Variants in CTNNA3 observed in about 807,000 individuals in gnomAD.
CTNNA3 encodes catenin alpha-3.
A neutral mutation model predicts 95.7 loss-of-function variants in CTNNA3; 76 were observed. That is an observed-to-expected ratio of 0.79 (90% CI 0.66 to 0.96). The LOEUF (loss-of-function observed/expected upper bound fraction) is 0.96. CTNNA3 is among the 40% of genes least tolerant of loss of function. The pLI, the probability that CTNNA3 is intolerant of heterozygous loss-of-function variation, is 0.00. For missense variants in CTNNA3, 1,191 were observed against 1,089.8 expected (o/e 1.09, Z -1.31); for synonymous variants, 431 against 374.4 (o/e 1.15, Z -1.74).
At chr10:66,173,373 G>A (rs907993605) in intron 13 of CTNNA3, among the ~76,000 whole-genome samples, 3 of 152,150 alleles carry the variant, frequency 2.0e-5, no homozygotes, top group South Asian at 2.1e-4. Flanking sequence ...TGTTCTAGGT[G>A]ATCAACAAGG....
intron 7 of CTNNA3, among the ~76,000 whole-genome samples, chr10:66,778,106 T>A (rs114238905): frequency 0.012 from 1,808 of 152,222 alleles, 44 homozygotes; most frequent in African/African-American, 0.042. Flanking sequence ...ACAGTCCCTA[T>A]CATGACAGGA....
intron 10 of CTNNA3, among the ~76,000 whole-genome samples, chr10:66,591,987 G>T (rs1263521687): frequency 2.0e-5 from 3 of 151,774 alleles, no homozygotes; most frequent in Non-Finnish European, 4.4e-5. Context: ...TTGCAGTCAA[G>T]CAAATTTGTA....
At chr10:67,759,251 A>G (rs746248763) in intron 1 of CTNNA3, among the ~76,000 whole-genome samples, 1 of 152,200 alleles carries the variant, frequency 6.6e-6, no homozygotes, top group African/African-American at 2.4e-5. Context: ...TTCTTTGTCC[A>G]ATTTGTACTA....
At chr10:66,672,564 TCA>T (rs1456173360) in intron 9 of CTNNA3, among the ~76,000 whole-genome samples, 1 of 152,102 alleles carries the variant, frequency 6.6e-6, no homozygotes, top group Non-Finnish European at 1.5e-5. Context: ...ACATTGTCAC[TCA>T]CAGTTTTATT....
intron 9 of CTNNA3, among the ~76,000 whole-genome samples, chr10:66,648,964 T>C (rs1335282220): frequency 6.6e-6 from 1 of 152,060 alleles, no homozygotes. Context: ...TGTGTAGAAT[T>C]CTCTTTAGGA....
At chr10:67,157,001 C>T (rs887957523) in intron 7 of CTNNA3, among the ~76,000 whole-genome samples, 1 of 152,064 alleles carries the variant, frequency 6.6e-6, no homozygotes, top group African/African-American at 2.4e-5. Context: ...GCTGTATCTT[C>T]CTAATGAATC....
At chr10:66,553,649 T>G (rs897836441) in intron 10 of CTNNA3, among the ~76,000 whole-genome samples, 2 of 139,218 alleles carry the variant, frequency 1.4e-5, no homozygotes, top group African/African-American at 2.6e-5. Context: ...TGCTTCAGCC[T>G]CCCGAGTACC....
chr10:66,520,245 CTTTTTTT>C (rs543882241), intron 11 of CTNNA3, among the ~76,000 whole-genome samples: 1 of 78,012 alleles, frequency 1.3e-5, no homozygotes, highest in South Asian at 4.7e-4. Flanking sequence ...TAGTATTATT[CTTTTTTT>C]TTTTTTTTTT....
intron 7 of CTNNA3, among the ~76,000 whole-genome samples, chr10:66,918,777 T>C (rs1180444722): frequency 6.6e-6 from 1 of 152,142 alleles, no homozygotes; most frequent in African/African-American, 2.4e-5. Context: ...AAAAGGCTGT[T>C]AGGAATGCAT....
intron 9 of CTNNA3, among the ~76,000 whole-genome samples, chr10:66,687,689 C>T (rs1033286884): frequency 3.1e-4 from 44 of 142,564 alleles, no homozygotes; most frequent in African/African-American, 1.1e-3. Flanking sequence ...TCCTTATCAC[C>T]TGTATTGATT....
In CTNNA3 at chr10:66,749,314, A is replaced by C. The variant is rs574956563; in HGVS notation, c.1281+16950T>G. Among the ~76,000 whole-genome samples, 8 of 151,962 alleles carry C rather than the reference A, an allele frequency of 5.3e-5. No individual in the cohort carries two copies. In the South Asian group the frequency reaches 1.7e-3, roughly 32 times the overall value. ...AATAATAACATGTATCCACCGTTGC[A>C]GTATCCTACAAAACAGTTTCACTGC... is the stretch of plus-strand genomic sequence containing the variant. On this transcript the variant is annotated intron_variant, in intron 9 of 17. Transcript: ENST00000433211.
chr10:66,761,048 C>A (rs1164494029), intron 9 of CTNNA3, among the ~76,000 whole-genome samples: 1 of 152,070 alleles, frequency 6.6e-6, no homozygotes, highest in Non-Finnish European at 1.5e-5. Flanking sequence ...TATTTATAAT[C>A]AAACATATCC....
intron 5 of CTNNA3, among the ~76,000 whole-genome samples, chr10:67,518,470 G>A (rs1589382651): frequency 6.6e-6 from 1 of 152,102 alleles, no homozygotes; most frequent in African/African-American, 2.4e-5. Flanking sequence ...TACGTGATGT[G>A]TTCCAACATG....
chr10:66,904,275 C>T (rs966849850), intron 7 of CTNNA3, among the ~76,000 whole-genome samples: 1 of 152,082 alleles, frequency 6.6e-6, no homozygotes, highest in Non-Finnish European at 1.5e-5. Flanking sequence ...GAAAGGATTC[C>T]CTATTTAATT....
chr10:66,889,196 C>T (rs1407377018), intron 7 of CTNNA3, among the ~76,000 whole-genome samples: 1 of 152,168 alleles, frequency 6.6e-6, no homozygotes, highest in African/African-American at 2.4e-5. Flanking sequence ...ACTATAAATA[C>T]ATCCAGCAGA....
chr10:66,349,227 A>G (rs1381652310), intron 12 of CTNNA3, among the ~76,000 whole-genome samples: 1 of 152,046 alleles, frequency 6.6e-6, no homozygotes, highest in Admixed American at 6.6e-5. Flanking sequence ...GGCAGATACA[A>G]AGAAGAAACT....
intron 10 of CTNNA3, among the ~76,000 whole-genome samples, chr10:66,563,673 C>A (rs547668410): frequency 6.6e-6 from 1 of 151,942 alleles, no homozygotes; most frequent in Non-Finnish European, 1.5e-5. Context: ...CTACATACCC[C>A]CCTCACAATT....
intron 3 of CTNNA3, among the ~76,000 whole-genome samples, chr10:67,586,204 AT>A (rs138650725): frequency 0.013 from 1,920 of 151,950 alleles, 48 homozygotes; most frequent in African/African-American, 0.043. Flanking sequence ...TATGATTTCA[AT>A]TTTTTTTAAT....
At chr10:67,266,875 T>C (rs556919120) in intron 5 of CTNNA3, among the ~76,000 whole-genome samples, 1 of 152,350 alleles carries the variant, frequency 6.6e-6, no homozygotes, top group East Asian at 1.9e-4. Context: ...TTTGATTTAA[T>C]CATTCCACAC....
Sources: allele counts gnomAD v4.1 joint callset (sites outside exome capture counted in the v4.1 genomes callset), GRCh38; gene constraint gnomAD v4.1.1; transcripts MANE v1.5; gene names NCBI Gene and HGNC (gene_info 2026-07-23, HGNC 2026-07-21).